VRK3: variants seen among roughly 807,000 people sequenced by gnomAD.
VRK3 encodes the protein VRK serine/threonine kinase 3.
VRK3 carries 50 observed loss-of-function variants against 60.4 expected under a neutral mutation model. The ratio of observed to expected loss-of-function variants is 0.83; its 90% confidence interval spans 0.66 to 1.05. The LOEUF (loss-of-function observed/expected upper bound fraction) is 1.05, where lower values mean the gene tolerates loss of function less well. Ranked by LOEUF, VRK3 falls within the 50% of genes least tolerant of loss-of-function variation. The pLI is 0.00. For synonymous variants in VRK3, 246 were observed against 227.8 expected (o/e 1.08, Z -0.72); for missense variants, 549 against 585.3 (o/e 0.94, Z 0.64).
chr19:49,988,418 TCCATGGCAGAAACCCGTAGAG>T lies in VRK3; in HGVS notation c.1150_1170del (p.Leu384_Trp390del). 1 of 1,613,650 alleles carries T rather than the reference TCCATGGCAGAAACCCGTAGAG, an allele frequency of 6.2e-7. No individual in the cohort carries two copies. The highest frequency in any genetic ancestry group is 2.2e-5 in the East Asian group (1 of 44,852). The stretch of plus-strand genomic sequence containing the variant: ...TCCTCAGTGTTGGGAAGGCAATTTG[TCCATGGCAGAAACCCGTAGAG>T]CCACTTCAGCATGCAGTAGCCCAGG... On this transcript the variant is annotated inframe_deletion, in exon 12 of 15. Transcript: ENST00000316763.
chr19:49,976,832 A>C (rs1221640188), intron 14 of VRK3, 48 bp from the exon 15 acceptor site: 1 of 152,034 alleles, frequency 6.6e-6, no homozygotes, highest in Non-Finnish European at 1.5e-5. Context: ...TTCAAGGAAC[A>C]CCCTCTATGC....
At chr19:50,001,972 C>A (rs1348241554) in intron 5 of VRK3, among the ~76,000 whole-genome samples, 2 of 152,128 alleles carry the variant, frequency 1.3e-5, no homozygotes, top group Non-Finnish European at 2.9e-5. Context: ...CCACTCAGCC[C>A]AGAGCCCAGC....
intron 9 of VRK3, 75 bp downstream of exon 9, chr19:49,994,739 G>A: frequency 7.3e-7 from 1 of 1,365,260 alleles, no homozygotes; most frequent in Non-Finnish European, 1.0e-6. Flanking sequence ...AAGTGTCAAT[G>A]ACTAAAGTGC....
At chr19:50,019,838 T>C (rs566668411) in intron 2 of VRK3, among the ~76,000 whole-genome samples, 1 of 151,836 alleles carries the variant, frequency 6.6e-6, no homozygotes, top group East Asian at 1.9e-4. Context: ...ATGCCTGGTC[T>C]AGACTTCTTA....
At chr19:49,991,551 C>G (rs562999039) in intron 10 of VRK3, among the ~76,000 whole-genome samples, 2 of 144,920 alleles carry the variant, frequency 1.4e-5, no homozygotes, top group African/African-American at 5.7e-5. Flanking sequence ...ACACACACAC[C>G]CTGCCAGTTC....
chr19:49,997,629 C>G (rs2076728557), intron 6 of VRK3, 59 bp from the exon 7 acceptor site: 1 of 1,590,160 alleles, frequency 6.3e-7, no homozygotes, highest in Admixed American at 1.7e-5. Context: ...TAAGGGCCCC[C>G]AGTCCCCACT....
At position 49,982,577 on chromosome 19, in the gene VRK3, T is replaced by C. The variant is rs995122068; in HGVS notation, c.1218-1564A>G. Among the ~76,000 whole-genome samples the C allele has an allele frequency of 2.0e-5, 3 of 152,200 alleles. No individual in the cohort carries two copies. In the East Asian group the frequency reaches 5.8e-4, roughly 29 times the overall value. On this transcript the variant is annotated intron_variant, in intron 12 of 14. Transcript: ENST00000316763. ...AATAGGGAGGCAGAATGCTGTCTGG[T>C]TCCACCCTAGGCTGGGAACATGTGT...
intron 6 of VRK3, chr19:49,998,965 A>AAAAG (rs1303874687): frequency 6.7e-6 from 1 of 149,896 alleles, no homozygotes; most frequent in Non-Finnish European, 1.5e-5. Flanking sequence ...AAAAAAAAAA[A>AAAAG]AAAAAAAAAA....
At chr19:50,019,674 C>CTTTTTTTTTTTTTTTTTTT (rs568877003) in intron 2 of VRK3, among the ~76,000 whole-genome samples, 3 of 45,018 alleles carry the variant, frequency 6.7e-5, no homozygotes, top group African/African-American at 2.0e-4. Flanking sequence ...CATGCCTGGC[C>CTTTTTTTTTTTTTTTTTTT]TTTTTTTTTT....
At chr19:49,985,655 C>T (rs922676639) in intron 12 of VRK3, among the ~76,000 whole-genome samples, 1 of 152,192 alleles carries the variant, frequency 6.6e-6, no homozygotes, top group Non-Finnish European at 1.5e-5. Context: ...GTGTTTCACC[C>T]TTTAGCTCCT....
chr19:49,988,589 CCA>C, intron 11 of VRK3, 97 bp from the exon 12 acceptor site: 19 of 1,485,078 alleles, frequency 1.3e-5, no homozygotes, highest in Non-Finnish European at 1.6e-5. Flanking sequence ...ACTGACTCAA[CCA>C]CACACTCATA....
At chr19:49,993,824 C>A (rs575051755) in intron 9 of VRK3, among the ~76,000 whole-genome samples, 1 of 152,232 alleles carries the variant, frequency 6.6e-6, no homozygotes, top group South Asian at 2.1e-4. Flanking sequence ...GACTCTCCAC[C>A]CCCGGGGCCC....
At chr19:50,020,391 A>C (rs995846226) in intron 2 of VRK3, 194 bp downstream of exon 2, 6 of 152,302 alleles carry the variant, frequency 3.9e-5, no homozygotes, top group Admixed American at 6.5e-5. Flanking sequence ...ATTTCCCCAG[A>C]TGCTGACTGC....
chr19:50,011,350 T>G (rs2076991060), intron 3 of VRK3, among the ~76,000 whole-genome samples: 2 of 152,228 alleles, frequency 1.3e-5, no homozygotes, highest in South Asian at 4.1e-4. Flanking sequence ...ATAAGGAGTT[T>G]TTATTATCAT....
At chr19:49,992,781 A>G in intron 10 of VRK3, 79 bp downstream of exon 10, 5 of 1,360,542 alleles carry the variant, frequency 3.7e-6, no homozygotes, top group Non-Finnish European at 4.2e-6. Flanking sequence ...AATAAGCACT[A>G]TGAAATAAAT....
chr19:49,991,043 T>G (rs1052111227), intron 10 of VRK3, among the ~76,000 whole-genome samples: 1 of 152,128 alleles, frequency 6.6e-6, no homozygotes, highest in Non-Finnish European at 1.5e-5. Context: ...TCCTTCCACT[T>G]TGGCCTCCTA....
At chr19:49,994,408 A>G (rs1035684710) in intron 9 of VRK3, among the ~76,000 whole-genome samples, 1 of 152,190 alleles carries the variant, frequency 6.6e-6, no homozygotes, top group Non-Finnish European at 1.5e-5. Context: ...ACTAATGAAC[A>G]AATGCCATAT....
rs568877003 is a variant in VRK3 at position 50,019,674 on chromosome 19, C to CTTTTTTT, written c.-2+904_-2+910dup. On this transcript the variant is annotated intron_variant, in intron 2 of 14. Transcript: ENST00000316763. ...ACAGGCATGTGCCACCATGCCTGGC[C>CTTTTTTT]TTTTTTTTTTTTTTTTTTTTTTTTT... is the stretch of plus-strand genomic sequence containing the variant. 1.5e-3 allele frequency among the ~76,000 whole-genome samples: 68 copies of CTTTTTTT among 45,014 alleles called. 6 individuals are homozygous for CTTTTTTT. The highest frequency in any genetic ancestry group is 4.8e-3 in the East Asian group (7 of 1,470). The allele number at this position is 45,014 out of a possible 152,430, so 29.5% of individuals were successfully genotyped here. A position where few individuals can be genotyped will look rare whatever the true frequency, so the allele number is the denominator to read the frequency against.
At chr19:50,001,623 G>A (rs995390571) in intron 5 of VRK3, among the ~76,000 whole-genome samples, 9 of 152,130 alleles carry the variant, frequency 5.9e-5, no homozygotes, top group African/African-American at 1.4e-4. Flanking sequence ...CTTGTCCCCC[G>A]ACAGAGCCTG....
Sources: allele counts gnomAD v4.1 joint callset (sites outside exome capture counted in the v4.1 genomes callset), GRCh38; gene constraint gnomAD v4.1.1; transcripts MANE v1.5; gene names NCBI Gene and HGNC (gene_info 2026-07-23, HGNC 2026-07-21).